The following ACBD3 variants were observed in gnomAD, a reference collection of about 807,000 sequenced individuals.
ACBD3 encodes the protein acyl-CoA binding domain containing 3.
Under a neutral mutation model 66.9 loss-of-function variants are expected in ACBD3, and 30 were observed. The ratio of observed to expected loss-of-function variants is 0.45; its 90% CI spans 0.34 to 0.61. The LOEUF (loss-of-function observed/expected upper bound fraction) is 0.61, where lower values mean the gene tolerates loss of function less well. Among genes scored for constraint, ACBD3 ranks in the 20% least tolerant of loss-of-function variants. The pLI is 0.02. For synonymous variants in ACBD3, 278 were observed against 259.8 expected, an observed-to-expected ratio of 1.07 and a Z score of -0.68; for missense variants, 544 against 664.5, an observed-to-expected ratio of 0.82 and a Z score of 1.99.
At position 226,146,576 on chromosome 1, in the gene ACBD3, C is replaced by T; in HGVS notation, c.*34G>A. On this transcript the variant is annotated 3_prime_UTR_variant, in exon 8 of 8. Transcript: ENST00000366812. ...TTCCAAATTAAATGTCATCTTCTGC[C>T]CAACCCTAGACTCCAGACTTTGTAA... The T allele has an allele frequency of 1.3e-6, 2 of 1,574,394 alleles. No individual in the cohort carries two copies. The highest frequency in any genetic ancestry group is 1.1e-5 in the South Asian group (1 of 88,988).
chr1:226,166,286 G>C (rs968358815), intron 1 of ACBD3, among the ~76,000 whole-genome samples: 3 of 149,238 alleles, frequency 2.0e-5, no homozygotes, highest in Non-Finnish European at 4.5e-5. Context: ...CCCCCAAGTA[G>C]CTGGACTACA....
At chr1:226,148,037 G>A (rs1305538342) in intron 7 of ACBD3, 1 of 152,142 alleles carries the variant, frequency 6.6e-6, no homozygotes, top group African/African-American at 2.4e-5. Flanking sequence ...AGTGATGCTT[G>A]TCAATGGCCA....
At chr1:226,182,615 GA>G (rs1320313972) in intron 1 of ACBD3, among the ~76,000 whole-genome samples, 1 of 148,932 alleles carries the variant, frequency 6.7e-6, no homozygotes, top group South Asian at 2.1e-4. Flanking sequence ...CTCCGTCTCA[GA>G]AAAAAAAAAT....
At chr1:226,164,555 T>C (rs949489410) in intron 3 of ACBD3, among the ~76,000 whole-genome samples, 4 of 152,196 alleles carry the variant, frequency 2.6e-5, no homozygotes, top group African/African-American at 7.2e-5. Context: ...GCTGCCATGA[T>C]GGATGGGAGG....
intron 3 of ACBD3, among the ~76,000 whole-genome samples, chr1:226,162,368 T>G (rs1659788833): frequency 1.3e-5 from 2 of 152,150 alleles, no homozygotes; most frequent in South Asian, 4.1e-4. Flanking sequence ...AAAAGAAATG[T>G]GGGAAAAAAG....
Position 226,145,131 on chromosome 1 carries a change from A to G in ACBD3, c.*1479T>C, listed in dbSNP as rs1340950222. The G allele has an allele frequency of 6.6e-6, 1 of 152,522 alleles. No individual in the cohort carries two copies. The highest frequency in any genetic ancestry group is 1.5e-5 in the Non-Finnish European group (1 of 68,008). The allele number at this position is 152,522 out of a possible 1,614,324, so 9.4% of individuals were successfully genotyped here. ...GGGACTACTTCTGAATCAAAATTAAAAAACACAAATTAAGCACTGCTTAAG... is the reference window on the plus strand; with the variant it reads ...GGGACTACTTCTGAATCAAAATTAAGAAACACAAATTAAGCACTGCTTAAG... On this transcript the variant is annotated 3_prime_UTR_variant, in exon 8 of 8. Coordinates refer to ENST00000366812, the MANE Select transcript of ACBD3 (RefSeq NM_022735.4).
chr1:226,157,911 A>C (rs1659705575), intron 5 of ACBD3, among the ~76,000 whole-genome samples: 2 of 152,234 alleles, frequency 1.3e-5, no homozygotes, highest in African/African-American at 4.8e-5. Context: ...CTTCTCATTA[A>C]ATGATAGCAA....
At chr1:226,182,537 C>T (rs776368489) in intron 1 of ACBD3, among the ~76,000 whole-genome samples, 3 of 152,052 alleles carry the variant, frequency 2.0e-5, no homozygotes, top group Admixed American at 6.6e-5. Context: ...TCACATGAAC[C>T]CAGGAGGCAG....
intron 1 of ACBD3, among the ~76,000 whole-genome samples, chr1:226,175,575 T>C (rs1256634591): frequency 4.6e-5 from 7 of 151,260 alleles, no homozygotes; most frequent in Non-Finnish European, 1.0e-4. Context: ...CAGACAACAA[T>C]TTAACCACAA....
intron 1 of ACBD3, among the ~76,000 whole-genome samples, chr1:226,170,181 G>A (rs1222266130): frequency 2.2e-5 from 3 of 135,982 alleles, no homozygotes; most frequent in Non-Finnish European, 3.1e-5. Context: ...TTTTTGAGAC[G>A]GAGTCTCACT....
intron 1 of ACBD3, among the ~76,000 whole-genome samples, chr1:226,184,443 A>C (rs906176969): frequency 1.2e-4 from 19 of 152,162 alleles, no homozygotes; most frequent in African/African-American, 4.1e-4. Flanking sequence ...TTATTCTCTA[A>C]GGTGACTAAC....
intron 1 of ACBD3, among the ~76,000 whole-genome samples, chr1:226,173,665 T>G (rs939976464): frequency 7.9e-5 from 12 of 151,894 alleles, no homozygotes; most frequent in Admixed American, 1.3e-4. Flanking sequence ...AGGTTACAGC[T>G]CTCTTACTCT....
intron 1 of ACBD3, among the ~76,000 whole-genome samples, chr1:226,177,637 G>C (rs1016136762): frequency 6.6e-6 from 1 of 152,110 alleles, no homozygotes; most frequent in Non-Finnish European, 1.5e-5. Context: ...CAGATCATCA[G>C]AGGATATTCC....
At chr1:226,160,748 C>T (rs1398557962) in intron 4 of ACBD3, among the ~76,000 whole-genome samples, 1 of 152,184 alleles carries the variant, frequency 6.6e-6, no homozygotes, top group African/African-American at 2.4e-5. Flanking sequence ...CCTCCTTGTA[C>T]CCACAGCTCC....
At chr1:226,171,430 T>C (rs1659990659) in intron 1 of ACBD3, among the ~76,000 whole-genome samples, 2 of 152,160 alleles carry the variant, frequency 1.3e-5, no homozygotes, top group African/African-American at 2.4e-5. Context: ...ATTACAGGTG[T>C]GAGCCACTGT....
intron 1 of ACBD3, among the ~76,000 whole-genome samples, chr1:226,178,076 C>T (rs1293147967): frequency 6.6e-6 from 1 of 151,790 alleles, no homozygotes; most frequent in Non-Finnish European, 1.5e-5. Flanking sequence ...TAATTTGTTA[C>T]AAGAGCAATA....
At chr1:226,160,084 A>G (rs1659743111) in intron 4 of ACBD3, among the ~76,000 whole-genome samples, 1 of 150,926 alleles carries the variant, frequency 6.6e-6, no homozygotes, top group Non-Finnish European at 1.5e-5. Flanking sequence ...TAGATAAACC[A>G]CATGCTTCTT....
intron 1 of ACBD3, among the ~76,000 whole-genome samples, chr1:226,171,902 T>C (rs1660000666): frequency 6.6e-6 from 1 of 151,616 alleles, no homozygotes; most frequent in Non-Finnish European, 1.5e-5. Flanking sequence ...ATGCCTGTAA[T>C]CCCGGCACTT....
At chr1:226,167,297 T>C (rs1024672622) in intron 1 of ACBD3, among the ~76,000 whole-genome samples, 5 of 152,218 alleles carry the variant, frequency 3.3e-5, no homozygotes, top group Admixed American at 3.3e-4. Context: ...TTGGATGGCC[T>C]GGGTTTAAAT....
Sources: gnomAD v4.1 joint callset for allele counts (sites outside exome capture counted in the v4.1 genomes callset) on GRCh38, gnomAD v4.1.1 for gene constraint, MANE v1.5 for transcripts, NCBI Gene and HGNC (gene_info 2026-07-23, HGNC 2026-07-21) for gene names.